Variants in ATP1A4 observed in about 807,000 individuals in gnomAD.
ATP1A4 encodes the protein sodium/potassium-transporting ATPase subunit alpha-4.
A neutral mutation model predicts 114.3 loss-of-function variants in ATP1A4; 90 were observed. The ratio of observed to expected loss-of-function variants is 0.79; its 90% CI spans 0.66 to 0.94. ATP1A4 has a LOEUF of 0.94. Ranked by LOEUF, ATP1A4 falls within the 40% of genes least tolerant of loss-of-function variation. The pLI, the probability that ATP1A4 is intolerant of heterozygous loss-of-function variation, is 0.00. For synonymous variants in ATP1A4, 511 were observed against 494.1 expected (o/e 1.03, Z -0.45); for missense variants, 1,222 against 1,313.6 (o/e 0.93, Z 1.08).
Position 160,185,748 on chromosome 1 carries a change from G to A in ATP1A4, c.2970-528G>A, listed in dbSNP as rs140709139. Among the ~76,000 whole-genome samples, 714 of 151,564 alleles carry A rather than the reference G, an allele frequency of 4.7e-3. 8 individuals are homozygous for A. Among genetic ancestry groups the A allele is most frequent in the Middle Eastern group, 0.01 (3 of 294 alleles). On this transcript the variant is annotated intron_variant, in intron 20 of 21. Coordinates refer to ENST00000368081, the MANE Select transcript of ATP1A4 (RefSeq NM_144699.4). The stretch of plus-strand genomic sequence containing the variant: ...ATCCTGACCAACACAGTGAAACCCC[G>A]CCTCTACTAAAAATACAAAAATTAG...
At chr1:160,178,882 T>C (rs1038816907) in intron 18 of ATP1A4, among the ~76,000 whole-genome samples, 1 of 152,262 alleles carries the variant, frequency 6.6e-6, no homozygotes, top group African/African-American at 2.4e-5. Flanking sequence ...GTGATACTCC[T>C]GTCCCAATTT....
intron 2 of ATP1A4, among the ~76,000 whole-genome samples, chr1:160,154,341 C>T (rs1427560405): frequency 6.6e-6 from 1 of 151,926 alleles, no homozygotes; most frequent in Non-Finnish European, 1.5e-5. Context: ...CCACTGCACT[C>T]CAGCCTAGGT....
rs1010380909 is a variant in ATP1A4 at position 160,154,966 on chromosome 1, C to T, written c.208-79C>T. The T allele has an allele frequency of 7.9e-6, 11 of 1,390,338 alleles. No homozygotes were observed. The African/African-American group carries it at 1.4e-4, about 18-fold the overall frequency. 86.1% of individuals were successfully genotyped at this position (1,390,338 alleles called of 1,614,324 possible). ...TAGTCTCTAGACCCATTCTGGGGCT[C>T]CAAATGTCAGGTTCCCTTTTGCTAT... On this transcript the variant is annotated intron_variant, in intron 2 of 21. Coordinates refer to ENST00000368081, the MANE Select transcript of ATP1A4 (RefSeq NM_144699.4).
chr1:160,161,832 G>T (rs144992846), intron 6 of ATP1A4, among the ~76,000 whole-genome samples: 13 of 152,230 alleles, frequency 8.5e-5, no homozygotes, highest in African/African-American at 2.9e-4. Flanking sequence ...CCTGCTCTCA[G>T]ACTCATACAG....
In ATP1A4 at chr1:160,171,465, T is replaced by A. The variant is rs768851130; in HGVS notation, c.1681+25T>A. 2.5e-6 allele frequency: 4 copies of A among 1,610,100 alleles called. No individual in the cohort carries two copies. In the East Asian group the frequency reaches 8.9e-5, roughly 36 times the overall value. ...GGTGAGGAGCTTTGGGAGAAGTTTTTAAAAGAATGGCATCAAAATGGTTAT... is the reference window on the plus strand; with the variant it reads ...GGTGAGGAGCTTTGGGAGAAGTTTTAAAAAGAATGGCATCAAAATGGTTAT... On this transcript the variant is annotated intron_variant, in intron 11 of 21. Transcript: ENST00000368081.
intron 6 of ATP1A4, among the ~76,000 whole-genome samples, chr1:160,159,770 C>T (rs1390428643): frequency 6.6e-6 from 1 of 152,132 alleles, no homozygotes; most frequent in Non-Finnish European, 1.5e-5. Context: ...ATGTAAAATG[C>T]CCAGCACAAG....
intron 11 of ATP1A4, 47 bp from the exon 12 acceptor site, chr1:160,171,538 T>G: frequency 6.2e-7 from 1 of 1,602,010 alleles, no homozygotes; most frequent in Non-Finnish European, 8.5e-7. Flanking sequence ...CAGATAGGAA[T>G]GTAGAGTGCT....
intron 13 of ATP1A4, 32 bp from the exon 14 acceptor site, chr1:160,174,079 A>G: frequency 6.2e-7 from 1 of 1,609,170 alleles, no homozygotes; most frequent in Non-Finnish European, 8.5e-7. Flanking sequence ...CTCAACACTC[A>G]AAACTAGCCT....
intron 7 of ATP1A4, among the ~76,000 whole-genome samples, chr1:160,165,462 G>A (rs953361740): frequency 3.9e-5 from 6 of 152,136 alleles, no homozygotes; most frequent in African/African-American, 1.4e-4. Context: ...CACGTTCTTT[G>A]TTTAAACTAT....
Position 160,177,601 on chromosome 1 carries a change from C to T in ATP1A4, c.2673C>T (p.Gly891=). 2 of 1,614,208 alleles carry T rather than the reference C, an allele frequency of 1.2e-6. No homozygotes were observed. Among genetic ancestry groups the T allele is most frequent in the African/African-American group, 1.3e-5 (1 of 75,042 alleles). ...ENGFRPVDLL[G]IRLHWEDKYL... ...GTTTTAGGCCTGTTGATCTGCTGGG[C>T]ATCCGCCTCCACTGGGAAGATAAAT... Residue 891 remains glycine, a synonymous_variant, in exon 18 of 22, where the codon GGC becomes GGT. Transcript: ENST00000368081.
chr1:160,154,100 GT>G (rs1652552294), intron 2 of ATP1A4, among the ~76,000 whole-genome samples: 1 of 152,096 alleles, frequency 6.6e-6, no homozygotes, highest in Non-Finnish European at 1.5e-5. Flanking sequence ...GCCAGGTGCC[GT>G]GGCTCACACC....
intron 6 of ATP1A4, 148 bp from the exon 7 acceptor site, chr1:160,164,008 G>A: frequency 1.9e-6 from 2 of 1,062,048 alleles, no homozygotes; most frequent in Non-Finnish European, 1.3e-6. Flanking sequence ...CTGGGTCAAA[G>A]ACCAAATATT....
At position 160,153,225 on chromosome 1, in the gene ATP1A4, G is replaced by T; in HGVS notation, c.207+1G>T. On this transcript the variant is annotated splice_donor_variant, in intron 2 of 21. Transcript: ENST00000368081. LOFTEE classifies it high-confidence loss of function. ...CAAGTACTCCGTGGACCTGACAAAG[G>T]TGAGTAAGAAGCTCCCTGAGGAGGC... The T allele has an allele frequency of 1.2e-6, 2 of 1,613,520 alleles. No homozygotes were observed. The highest frequency in any genetic ancestry group is 1.7e-6 in the Non-Finnish European group (2 of 1,179,610).
chr1:160,164,534 A>ATACC, intron 7 of ATP1A4, 110 bp downstream of exon 7: 8 of 1,124,966 alleles, frequency 7.1e-6, no homozygotes, highest in Non-Finnish European at 9.0e-6. Flanking sequence ...GGTCTTCCTG[A>ATACC]TATGTAAATA....
At chr1:160,178,295 C>T (rs2101652699) in intron 18 of ATP1A4, among the ~76,000 whole-genome samples, 1 of 152,194 alleles carries the variant, frequency 6.6e-6, no homozygotes, top group South Asian at 2.1e-4. Flanking sequence ...GCAAAGTTTG[C>T]AGTGAGCCAA....
At chr1:160,161,920 C>T (rs1652876530) in intron 6 of ATP1A4, among the ~76,000 whole-genome samples, 1 of 152,316 alleles carries the variant, frequency 6.6e-6, no homozygotes, top group South Asian at 2.1e-4. Flanking sequence ...GATGCTCCTA[C>T]TAAGTCACAA....
intron 13 of ATP1A4, 139 bp from the exon 14 acceptor site, chr1:160,173,972 G>A: frequency 8.8e-7 from 1 of 1,134,846 alleles, no homozygotes; most frequent in Non-Finnish European, 1.2e-6. Context: ...GTGTCAATTT[G>A]GGGACAATAT....
At chr1:160,173,819 G>C in intron 13 of ATP1A4, 102 bp downstream of exon 13, 1 of 1,412,200 alleles carries the variant, frequency 7.1e-7, no homozygotes, top group East Asian at 2.5e-5. Context: ...TCCTTCAATA[G>C]GTAGGATGTG....
chr1:160,176,530 A>G lies in ATP1A4; in HGVS notation c.2518A>G (p.Arg840Gly). The G allele has an allele frequency of 6.2e-7, 1 of 1,614,194 alleles. No homozygotes were observed. The highest frequency in any genetic ancestry group is 8.5e-7 in the Non-Finnish European group (1 of 1,180,014). Residue 840 changes from arginine to glycine, a missense_variant, in exon 17 of 22, where the codon AGG (arginine) becomes GGG (glycine). Transcript: ENST00000368081. ...GTCAGCTGAAAGCGACATCATGAAGAGGCTTCCAAGGAACCCAAAGACGGA... is the reference window on the plus strand; with the variant it reads ...GTCAGCTGAAAGCGACATCATGAAGGGGCTTCCAAGGAACCCAAAGACGGA... ...YESAESDIMKRLPRNPKTDNL... is the reference protein window; with the variant it reads ...YESAESDIMKGLPRNPKTDNL...
Sources: gnomAD v4.1 joint callset for allele counts (sites outside exome capture counted in the v4.1 genomes callset) on GRCh38, gnomAD v4.1.1 for gene constraint, MANE v1.5 for transcripts, NCBI Gene and HGNC (gene_info 2026-07-23, HGNC 2026-07-21) for gene names.